NALF1: variants seen among roughly 807,000 people sequenced by gnomAD.
The protein encoded by NALF1 is family with sequence similarity 155 member A.
A neutral mutation model predicts 48.4 loss-of-function variants in NALF1; 3 were observed. The ratio of observed to expected loss-of-function variants is 0.06; its 90% CI spans 0.03 to 0.16. The LOEUF is 0.16. Among genes scored for constraint, NALF1 ranks in the 10% least tolerant of loss-of-function variants. NALF1 has a pLI of 1.00. For synonymous variants in NALF1, 262 were observed against 245.7 expected, an observed-to-expected ratio of 1.07 and a Z score of -0.62; for missense variants, 526 against 571.5, an observed-to-expected ratio of 0.92 and a Z score of 0.81.
chr13:107,794,645 T>G (rs1194998725), intron 1 of NALF1, among the ~76,000 whole-genome samples: 1 of 142,644 alleles, frequency 7.0e-6, no homozygotes, highest in African/African-American at 2.6e-5. Flanking sequence ...ATAATTGAGT[T>G]AAAAAAAAAA....
At chr13:107,484,568 T>C (rs922373399) in intron 1 of NALF1, among the ~76,000 whole-genome samples, 15 of 152,182 alleles carry the variant, frequency 9.9e-5, no homozygotes, top group African/African-American at 3.6e-4. Flanking sequence ...CACCCATCTT[T>C]GGATTCCCAG....
chr13:107,774,397 C>T (rs944102139), intron 1 of NALF1, among the ~76,000 whole-genome samples: 3 of 152,124 alleles, frequency 2.0e-5, no homozygotes, highest in Admixed American at 2.0e-4. Context: ...GATTTTGTTA[C>T]GGGATTTCTT....
intron 1 of NALF1, among the ~76,000 whole-genome samples, chr13:107,292,290 C>G (rs1054356310): frequency 1.3e-5 from 2 of 152,262 alleles, no homozygotes; most frequent in Admixed American, 6.5e-5. Flanking sequence ...ATGGAGCTTG[C>G]AGAACTGAAG....
intron 1 of NALF1, among the ~76,000 whole-genome samples, chr13:107,478,998 T>C (rs774545587): frequency 2.0e-5 from 3 of 152,180 alleles, no homozygotes; most frequent in Admixed American, 6.6e-5. Flanking sequence ...GCAGAGCACC[T>C]GGCAAACCAG....
At chr13:107,564,117 G>GA (rs1877720783) in intron 1 of NALF1, among the ~76,000 whole-genome samples, 1 of 152,122 alleles carries the variant, frequency 6.6e-6, no homozygotes, top group South Asian at 2.1e-4. Context: ...AGAAACAACT[G>GA]AAAGAATGGA....
chr13:107,668,885 G>A (rs1880921843), intron 1 of NALF1, among the ~76,000 whole-genome samples: 1 of 151,982 alleles, frequency 6.6e-6, no homozygotes, highest in South Asian at 2.1e-4. Context: ...ATAGAAGACA[G>A]ACAGCCCATA....
At chr13:107,331,745 T>G (rs576450357) in intron 1 of NALF1, among the ~76,000 whole-genome samples, 1 of 152,290 alleles carries the variant, frequency 6.6e-6, no homozygotes, top group South Asian at 2.1e-4. Context: ...AGATATAATT[T>G]TCTTTCAAAT....
intron 1 of NALF1, among the ~76,000 whole-genome samples, chr13:107,748,108 C>T (rs529716888): frequency 1.3e-5 from 2 of 152,274 alleles, no homozygotes; most frequent in South Asian, 4.1e-4. Flanking sequence ...CTCAGTTTCC[C>T]TCTTTCTCAT....
chr13:107,231,606 T>C (rs1880226467), intron 1 of NALF1, among the ~76,000 whole-genome samples: 2 of 152,264 alleles, frequency 1.3e-5, no homozygotes, highest in South Asian at 2.1e-4. Flanking sequence ...TTGGTTTTAC[T>C]AGCAGCTCTT....
At chr13:107,447,213 C>T (rs1224858814) in intron 1 of NALF1, among the ~76,000 whole-genome samples, 1 of 151,856 alleles carries the variant, frequency 6.6e-6, no homozygotes, top group Non-Finnish European at 1.5e-5. Flanking sequence ...CCTTCTTTTC[C>T]CTTCTCCCTT....
chr13:107,376,247 G>A (rs1883336889), intron 1 of NALF1, among the ~76,000 whole-genome samples: 1 of 152,128 alleles, frequency 6.6e-6, no homozygotes, highest in Non-Finnish European at 1.5e-5. Context: ...GCCCTAATCA[G>A]GCCCCTGACC....
intron 1 of NALF1, among the ~76,000 whole-genome samples, chr13:107,381,204 G>GTT (rs556942495): frequency 3.6e-5 from 5 of 139,178 alleles, no homozygotes; most frequent in East Asian, 2.1e-4. Context: ...AAAAAATAGA[G>GTT]TTTTTTTTTT....
intron 1 of NALF1, among the ~76,000 whole-genome samples, chr13:107,660,888 G>T (rs1255511723): frequency 2.0e-5 from 3 of 151,968 alleles, no homozygotes; most frequent in African/African-American, 7.3e-5. Context: ...GTGGTGTGTA[G>T]GAAATCTCTG....
chr13:107,359,345 T>C (rs1453165119), intron 1 of NALF1, among the ~76,000 whole-genome samples: 1 of 152,086 alleles, frequency 6.6e-6, no homozygotes, highest in East Asian at 1.9e-4. Context: ...TCTTGAGGTC[T>C]GAGATACTAT....
At chr13:107,554,891 G>A (rs189186109) in intron 1 of NALF1, among the ~76,000 whole-genome samples, 8 of 152,184 alleles carry the variant, frequency 5.3e-5, no homozygotes, top group East Asian at 1.9e-4. Flanking sequence ...TCCAGAGTAC[G>A]GAAGGAGGAG....
intron 1 of NALF1, among the ~76,000 whole-genome samples, chr13:107,333,373 A>G (rs1672470892): frequency 6.6e-6 from 1 of 152,208 alleles, no homozygotes; most frequent in Admixed American, 6.5e-5. Context: ...CACCAAAAAA[A>G]GCACAAGAAA....
At chr13:107,171,859 ATAG>A (rs1878812305) in intron 2 of NALF1, among the ~76,000 whole-genome samples, 1 of 152,214 alleles carries the variant, frequency 6.6e-6, no homozygotes, top group Non-Finnish European at 1.5e-5. Flanking sequence ...AATGGGGATA[ATAG>A]TAGAGTTGTT....
chr13:107,227,064 G>A (rs1880121716), intron 1 of NALF1, among the ~76,000 whole-genome samples: 1 of 152,218 alleles, frequency 6.6e-6, no homozygotes, highest in Non-Finnish European at 1.5e-5. Flanking sequence ...CAGAAGAAAA[G>A]TATAGACTGA....
intron 1 of NALF1, among the ~76,000 whole-genome samples, chr13:107,614,111 G>A (rs776393723): frequency 3.9e-5 from 6 of 152,206 alleles, no homozygotes; most frequent in Non-Finnish European, 7.3e-5. Flanking sequence ...TTTAACGCCA[G>A]ATGTTAGATG....
Sources: gnomAD v4.1 joint callset for allele counts (sites outside exome capture counted in the v4.1 genomes callset) on GRCh38, gnomAD v4.1.1 for gene constraint, MANE v1.5 for transcripts, NCBI Gene and HGNC (gene_info 2026-07-23, HGNC 2026-07-21) for gene names.